ROCK1: variants seen among roughly 807,000 people sequenced by gnomAD.
ROCK1 encodes the protein rho-associated protein kinase 1.
Under a neutral mutation model 196.8 loss-of-function variants are expected in ROCK1, and 36 were observed. That is an observed-to-expected ratio of 0.18 (90% CI 0.14 to 0.24). ROCK1 has a LOEUF of 0.24. Among genes scored for constraint, ROCK1 ranks in the 10% least tolerant of loss-of-function variants. ROCK1 has a pLI of 1.00. For missense variants in ROCK1, 920 were observed against 1,562.0 expected (o/e 0.59, Z 6.93); for synonymous variants, 443 against 515.9 (o/e 0.86, Z 1.91).
intron 23 of ROCK1, 165 bp from the exon 24 acceptor site, chr18:20,969,373 A>C (rs1446996906): frequency 3.9e-6 from 2 of 508,062 alleles, no homozygotes; most frequent in African/African-American, 3.9e-5. Flanking sequence ...AAAAATATTT[A>C]AAAGTAGTTA....
intron 2 of ROCK1, among the ~76,000 whole-genome samples, chr18:21,056,791 G>C (rs1232219419): frequency 6.6e-6 from 1 of 151,960 alleles, no homozygotes; most frequent in Non-Finnish European, 1.5e-5. Context: ...TCTCCCCCTT[G>C]CCTAATCCTC....
At position 21,044,086 on chromosome 18, in the gene ROCK1, A is replaced by G. The variant is rs780213702; in HGVS notation, c.675+16T>C. On this transcript the variant is annotated intron_variant, in intron 6 of 32. Transcript: ENST00000399799. ...CTTGAATTAGCAAAAACTAAATTAA[A>G]ATCTAGTTAATTAACCTTATTCATC... The G allele has an allele frequency of 1.3e-6, 2 of 1,489,224 alleles. No homozygotes were observed. 92.3% of individuals were successfully genotyped at this position (1,489,224 alleles called of 1,614,324 possible). A position where few individuals can be genotyped will look rare whatever the true frequency, so the allele number is the denominator to read the frequency against.
intron 22 of ROCK1, among the ~76,000 whole-genome samples, chr18:20,977,161 T>C (rs553508137): frequency 6.6e-6 from 1 of 152,322 alleles, no homozygotes; most frequent in South Asian, 2.1e-4. Context: ...TATCAGTCAC[T>C]AGCTTAGGAT....
intron 1 of ROCK1, among the ~76,000 whole-genome samples, chr18:21,102,978 T>C (rs773484647): frequency 7.9e-5 from 12 of 152,132 alleles, no homozygotes; most frequent in Non-Finnish European, 1.6e-4. Context: ...TGGCCTACCC[T>C]TAATATAACA....
intron 1 of ROCK1, among the ~76,000 whole-genome samples, chr18:21,100,608 A>C (rs557925952): frequency 4.0e-5 from 6 of 150,880 alleles, no homozygotes; most frequent in Admixed American, 2.6e-4. Flanking sequence ...AAAGACTGAG[A>C]GCGAAATAAA....
At chr18:21,101,291 A>C (rs190994052) in intron 1 of ROCK1, among the ~76,000 whole-genome samples, 4 of 152,344 alleles carry the variant, frequency 2.6e-5, no homozygotes, top group Non-Finnish European at 5.9e-5. Flanking sequence ...GAATGAATGG[A>C]ACCATTAGAT....
At chr18:21,095,649 T>G (rs563798769) in intron 1 of ROCK1, among the ~76,000 whole-genome samples, 2 of 148,564 alleles carry the variant, frequency 1.3e-5, no homozygotes, top group Non-Finnish European at 3.0e-5. Flanking sequence ...GATCTAAAAC[T>G]CAAAACAATT....
chr18:21,061,488 G>A (rs2036290400), intron 2 of ROCK1, among the ~76,000 whole-genome samples: 2 of 152,232 alleles, frequency 1.3e-5, no homozygotes, highest in South Asian at 4.1e-4. Flanking sequence ...AACAGAAAAA[G>A]AGATCAGTGT....
At chr18:20,991,356 A>T (rs938584606) in intron 17 of ROCK1, 30 bp from the exon 18 acceptor site, 6 of 1,502,000 alleles carry the variant, frequency 4.0e-6, no homozygotes, top group Non-Finnish European at 5.5e-6. Flanking sequence ...GTCATGTAAT[A>T]AACTGTGCAG....
At chr18:20,969,092 G>T in intron 24 of ROCK1, 23 bp downstream of exon 24, 2 of 1,448,364 alleles carry the variant, frequency 1.4e-6, no homozygotes, top group Non-Finnish European at 1.9e-6. Context: ...TTAACATGAT[G>T]ATTTTTTAAA....
chr18:20,995,708 G>A (rs934742875), intron 16 of ROCK1, among the ~76,000 whole-genome samples: 1 of 152,124 alleles, frequency 6.6e-6, no homozygotes. Flanking sequence ...TCAGCGCAGA[G>A]AGACTCCATT....
intron 23 of ROCK1, 36 bp from the exon 24 acceptor site, chr18:20,969,244 CTT>C (rs772357371): frequency 3.9e-6 from 5 of 1,283,234 alleles, no homozygotes; most frequent in South Asian, 1.2e-5. Context: ...GCTCCAGCCT[CTT>C]TGCTATTCTC....
chr18:20,979,777 TTG>T, intron 22 of ROCK1, 131 bp downstream of exon 22: 1 of 1,069,492 alleles, frequency 9.4e-7, no homozygotes, highest in Non-Finnish European at 1.3e-6. Flanking sequence ...CTAATCTGAT[TTG>T]TTCTGAATTA....
rs114930736 is a variant in ROCK1, at chr18:20,971,249, G to A, written c.2655-736C>T. Among the ~76,000 whole-genome samples, 1,467 of 150,740 alleles carry A rather than the reference G, an allele frequency of 9.7e-3. 19 individuals carry two copies. Among genetic ancestry groups the A allele is most frequent in the African/African-American group, 0.034 (1,411 of 40,970 alleles). ...ACTTCCACCTCCTATTTTCTAGTGA[G>A]TATTACAATTCAAATTTTCTGCCTG... On this transcript the variant is annotated intron_variant, in intron 22 of 32. Coordinates refer to ENST00000399799, the MANE Select transcript of ROCK1 (RefSeq NM_005406.3).
intron 1 of ROCK1, among the ~76,000 whole-genome samples, chr18:21,075,106 C>T (rs1361863490): frequency 6.6e-6 from 1 of 152,158 alleles, no homozygotes; most frequent in Non-Finnish European, 1.5e-5. Flanking sequence ...TTTGGAACCA[C>T]AGGAATTTCT....
At chr18:21,062,973 A>C (rs1449933180) in intron 2 of ROCK1, among the ~76,000 whole-genome samples, 3 of 152,194 alleles carry the variant, frequency 2.0e-5, no homozygotes, top group Non-Finnish European at 4.4e-5. Context: ...GAGAAGGAGA[A>C]AAAGGAGAAT....
chr18:21,000,409 C>T (rs145245613), intron 16 of ROCK1, among the ~76,000 whole-genome samples: 2 of 152,132 alleles, frequency 1.3e-5, no homozygotes, highest in East Asian at 1.9e-4. Flanking sequence ...ACTACAGGCA[C>T]GTGCCATCAT....
intron 1 of ROCK1, among the ~76,000 whole-genome samples, chr18:21,099,285 T>C (rs1351349071): frequency 6.6e-6 from 1 of 152,196 alleles, no homozygotes; most frequent in African/African-American, 2.4e-5. Context: ...TATCTATGTA[T>C]ATATCTATGT....
Position 20,967,773 on chromosome 18 carries a change from C to T in ROCK1, c.3171G>A (p.Lys1057=), listed in dbSNP as rs768488092. ...KFNQMVVKHQ[K]ELNDMQAQLV... is the part of the protein sequence containing the mutation. ...TTACCGCTTGCATGTCATTCAGTTC[C>T]TTCTGATGTTTCACTACCATCTGGT... The change falls in exon 26 of 33, where the codon AAG becomes AAA. Residue 1057 remains lysine (K), a synonymous_variant. Coordinates refer to ENST00000399799, the MANE Select transcript of ROCK1 (RefSeq NM_005406.3). 28 of 1,600,590 alleles carry T rather than the reference C, an allele frequency of 1.7e-5. No individual in the cohort carries two copies. The highest frequency in any genetic ancestry group is 1.4e-4 in the Admixed American group (8 of 57,386).
Sources: gnomAD v4.1 joint callset for allele counts (sites outside exome capture counted in the v4.1 genomes callset) on GRCh38, gnomAD v4.1.1 for gene constraint, MANE v1.5 for transcripts, NCBI Gene and HGNC (gene_info 2026-07-23, HGNC 2026-07-21) for gene names.